GRID2: variants seen among roughly 807,000 people sequenced by gnomAD.
GRID2 encodes glutamate receptor ionotropic, delta-2.
A neutral mutation model predicts 114.8 loss-of-function variants in GRID2; 33 were observed. That is an observed-to-expected ratio of 0.29 (90% confidence interval 0.22 to 0.38). GRID2 has a LOEUF of 0.38. Ranked by LOEUF, GRID2 falls within the 10% of genes least tolerant of loss-of-function variation. The probability of loss-of-function intolerance (pLI) is 1.00; values close to 1 mark genes in which losing one functional copy is unlikely to be tolerated. For missense variants in GRID2, 1,184 were observed against 1,257.7 expected, an observed-to-expected ratio of 0.94 and a Z score of 0.89; for synonymous variants, 505 against 449.9, an observed-to-expected ratio of 1.12 and a Z score of -1.55.
chr4:93,806,362 A>G (rs1735033574), intron 1 of GRID2, among the ~76,000 whole-genome samples: 1 of 152,336 alleles, frequency 6.6e-6, no homozygotes, highest in Admixed American at 6.5e-5. Flanking sequence ...TTGACTCTCC[A>G]TGTGAGAGCG....
intron 1 of GRID2, among the ~76,000 whole-genome samples, chr4:92,326,270 G>A (rs1726593300): frequency 6.6e-6 from 1 of 151,866 alleles, no homozygotes; most frequent in Non-Finnish European, 1.5e-5. Flanking sequence ...AGAACAATGA[G>A]CATAAGTACA....
chr4:93,185,226 C>T (rs933634801), intron 4 of GRID2, among the ~76,000 whole-genome samples: 6 of 152,118 alleles, frequency 3.9e-5, no homozygotes, highest in South Asian at 4.1e-4. Flanking sequence ...TCAATAGCAC[C>T]TCTGTTTTCC....
At chr4:92,736,676 A>G (rs984389903) in intron 2 of GRID2, among the ~76,000 whole-genome samples, 4 of 152,098 alleles carry the variant, frequency 2.6e-5, no homozygotes, top group Non-Finnish European at 5.9e-5. Context: ...TCTCCATCTT[A>G]GACAACAAAT....
chr4:93,741,174 C>CATATATATATATATATATATGTAT (rs1731347949), intron 14 of GRID2, among the ~76,000 whole-genome samples: 2 of 41,240 alleles, frequency 4.8e-5, no homozygotes, highest in Non-Finnish European at 8.2e-5. Context: ...TATATATATA[C>CATATATATATATATATATATGTAT]ATATATATAT....
At chr4:92,504,059 A>G (rs1363089416) in intron 1 of GRID2, among the ~76,000 whole-genome samples, 2 of 152,174 alleles carry the variant, frequency 1.3e-5, no homozygotes, top group Non-Finnish European at 2.9e-5. Flanking sequence ...AACTACGTAA[A>G]GCAGACCATA....
intron 13 of GRID2, among the ~76,000 whole-genome samples, chr4:93,544,717 C>A (rs780223745): frequency 3.6e-4 from 53 of 149,222 alleles, no homozygotes; most frequent in South Asian, 8.4e-4. Flanking sequence ...GCGGAGACTG[C>A]AGTGAGTCGA....
At chr4:92,445,638 A>G (rs1009521181) in intron 1 of GRID2, among the ~76,000 whole-genome samples, 1 of 152,210 alleles carries the variant, frequency 6.6e-6, no homozygotes. Flanking sequence ...CAAGTAGAGC[A>G]TAGGAGAGAG....
intron 8 of GRID2, among the ~76,000 whole-genome samples, chr4:93,309,181 G>C (rs1221151449): frequency 6.6e-6 from 1 of 152,082 alleles, no homozygotes; most frequent in Non-Finnish European, 1.5e-5. Flanking sequence ...GTTCACTGTT[G>C]TTTCCTCACC....
At chr4:93,570,256 C>T (rs1735817409) in intron 13 of GRID2, among the ~76,000 whole-genome samples, 3 of 152,236 alleles carry the variant, frequency 2.0e-5, no homozygotes, top group Admixed American at 2.0e-4. Flanking sequence ...ATACTTTTCC[C>T]CTGTTTCTGG....
intron 2 of GRID2, among the ~76,000 whole-genome samples, chr4:93,031,924 G>A (rs1724476123): frequency 6.6e-6 from 1 of 152,028 alleles, no homozygotes; most frequent in Admixed American, 6.6e-5. Context: ...CTGAAAATTT[G>A]CCAGCAGATT....
At chr4:92,641,452 T>TC (rs1491575583) in intron 2 of GRID2, among the ~76,000 whole-genome samples, 1 of 131,156 alleles carries the variant, frequency 7.6e-6, no homozygotes, top group Non-Finnish European at 1.7e-5. Context: ...TATTTTTTTT[T>TC]CTTTTTTTTT....
Position 92,515,092 on chromosome 4 carries a change from C to T in GRID2, c.89-75039C>T, listed in dbSNP as rs531248546. On this transcript the variant is annotated intron_variant, in intron 1 of 15. Coordinates refer to ENST00000282020, the MANE Select transcript of GRID2 (RefSeq NM_001510.4). ...CAGTTTCTTCTTGACATAGTCGATA[C>T]ATATAATGTTGTTATATTTTTATAT... Among the ~76,000 whole-genome samples, 5 of 152,024 alleles carry T rather than the reference C, an allele frequency of 3.3e-5. No individual in the cohort carries two copies. In the East Asian group the frequency reaches 7.8e-4, roughly 24 times the overall value.
rs1736699135 is a variant in GRID2 at position 92,738,249 on chromosome 4, TA to T, written c.244+147965del. Among the ~76,000 whole-genome samples the T allele has an allele frequency of 2.6e-5, 4 of 152,268 alleles. No individual in the cohort carries two copies. The South Asian group carries it at 8.3e-4, about 32-fold the overall frequency. ...TTGAGAAAAGTTAACTTGTATATCA[TA>T]AGCTCTCTTTCAGATGGATTGAATG... is the stretch of plus-strand genomic sequence containing the variant. On this transcript the variant is annotated intron_variant, in intron 2 of 15. Transcript: ENST00000282020.
chr4:93,319,529 A>G (rs1009125055), intron 8 of GRID2: 11 of 152,194 alleles, frequency 7.2e-5, no homozygotes, highest in African/African-American at 2.4e-4. Context: ...AAGGGATTTT[A>G]CAGATGCAAT....
intron 8 of GRID2, among the ~76,000 whole-genome samples, chr4:93,381,240 T>C (rs1326203286): frequency 2.0e-5 from 3 of 152,044 alleles, no homozygotes; most frequent in African/African-American, 7.2e-5. Context: ...CATTTCCCTC[T>C]CTGTCCAGCC....
intron 13 of GRID2, among the ~76,000 whole-genome samples, chr4:93,604,186 A>T (rs571090383): frequency 6.6e-6 from 1 of 152,374 alleles, no homozygotes; most frequent in Admixed American, 6.5e-5. Flanking sequence ...TTCACTGTTC[A>T]TGGGAGGAAG....
chr4:93,300,701 G>C (rs968547653), intron 8 of GRID2, among the ~76,000 whole-genome samples: 3 of 152,162 alleles, frequency 2.0e-5, no homozygotes, highest in Non-Finnish European at 2.9e-5. Flanking sequence ...CTCAGACACC[G>C]AGTTGTAGAC....
intron 2 of GRID2, among the ~76,000 whole-genome samples, chr4:93,077,699 C>T (rs1019994444): frequency 1.3e-5 from 2 of 152,052 alleles, no homozygotes; most frequent in Admixed American, 6.6e-5. Flanking sequence ...CTGCACTCAC[C>T]GAGTTTCCTA....
At chr4:92,729,293 T>C (rs1416683907) in intron 2 of GRID2, among the ~76,000 whole-genome samples, 1 of 152,086 alleles carries the variant, frequency 6.6e-6, no homozygotes, top group Non-Finnish European at 1.5e-5. Context: ...GGACATCTAC[T>C]CCACTTGTGT....
Sources: gnomAD v4.1 joint callset for allele counts (sites outside exome capture counted in the v4.1 genomes callset) on GRCh38, gnomAD v4.1.1 for gene constraint, MANE v1.5 for transcripts, NCBI Gene and HGNC (gene_info 2026-07-23, HGNC 2026-07-21) for gene names.